Variants in TMEM132D observed in about 807,000 individuals in gnomAD.
The protein encoded by TMEM132D is transmembrane protein 132D, also known as mature OL transmembrane protein.
Under a neutral mutation model 62.3 loss-of-function variants are expected in TMEM132D, and 21 were observed. That is an observed-to-expected ratio of 0.34 (90% confidence interval 0.24 to 0.49). The LOEUF (loss-of-function observed/expected upper bound fraction) is 0.49, where lower values mean the gene tolerates loss of function less well. Among genes scored for constraint, TMEM132D ranks in the 20% least tolerant of loss-of-function variants. The pLI, the probability that TMEM132D is intolerant of heterozygous loss-of-function variation, is 0.99. For missense variants in TMEM132D, 1,346 were observed against 1,402.8 expected (o/e 0.96, Z 0.65); for synonymous variants, 621 against 575.6 (o/e 1.08, Z -1.13).
intron 1 of TMEM132D, among the ~76,000 whole-genome samples, chr12:129,811,904 C>T (rs745907993): frequency 1.1e-4 from 17 of 151,850 alleles, no homozygotes; most frequent in Admixed American, 3.9e-4. Context: ...CTTCAGTGAG[C>T]CTGGAAGCCA....
intron 3 of TMEM132D, among the ~76,000 whole-genome samples, chr12:129,413,595 T>G (rs927050892): frequency 3.9e-5 from 6 of 152,202 alleles, no homozygotes; most frequent in African/African-American, 1.4e-4. Context: ...GAGAATTAGA[T>G]ACATCCTTTT....
chr12:129,552,997 C>T (rs988714905), intron 2 of TMEM132D, among the ~76,000 whole-genome samples: 4 of 152,276 alleles, frequency 2.6e-5, no homozygotes, highest in Admixed American at 6.5e-5. Context: ...GCCCCAAGTC[C>T]GAGTCTCTGG....
At chr12:129,754,000 C>A (rs1252903910) in intron 1 of TMEM132D, among the ~76,000 whole-genome samples, 1 of 152,188 alleles carries the variant, frequency 6.6e-6, no homozygotes, top group African/African-American at 2.4e-5. Flanking sequence ...TAAACAGCAA[C>A]TTTGGCTTTT....
chr12:129,654,762 C>T (rs1441658048), intron 2 of TMEM132D, among the ~76,000 whole-genome samples: 2 of 152,084 alleles, frequency 1.3e-5, no homozygotes, highest in South Asian at 2.1e-4. Flanking sequence ...CCTTTTTACT[C>T]TCAAGAGCTA....
At chr12:129,608,215 A>C (rs1049537401) in intron 2 of TMEM132D, among the ~76,000 whole-genome samples, 3 of 152,210 alleles carry the variant, frequency 2.0e-5, no homozygotes, top group South Asian at 2.1e-4. Context: ...CTTGAAGTGC[A>C]CTGGCTTTTC....
In TMEM132D at chr12:129,327,296, C is replaced by T. The variant is rs1049705342; in HGVS notation, c.1299+10338G>A. Among the ~76,000 whole-genome samples the T allele has an allele frequency of 2.0e-5, 3 of 152,088 alleles. No individual in the cohort carries two copies. In the East Asian group the frequency reaches 5.8e-4, roughly 29 times the overall value. On this transcript the variant is annotated intron_variant, in intron 4 of 8. Transcript: ENST00000422113. ...GGTGGAGAACAACAGACAGTGGGTC[C>T]GCATGGCAAGTGGAGAGTATACCAA...
chr12:129,740,998 A>G (rs900248460), intron 1 of TMEM132D, among the ~76,000 whole-genome samples: 2 of 152,212 alleles, frequency 1.3e-5, no homozygotes, highest in Non-Finnish European at 2.9e-5. Flanking sequence ...AGAAGGCTTT[A>G]TGGAGAGCTT....
In TMEM132D at chr12:129,396,150, T is replaced by A. The variant is rs547533461; in HGVS notation, c.1116-58333A>T. Among the ~76,000 whole-genome samples, 104 of 147,988 alleles carry A rather than the reference T, an allele frequency of 7.0e-4. 1 individual carries two copies. Among genetic ancestry groups the A allele is most frequent in the African/African-American group, 2.7e-3 (103 of 37,936 alleles). On this transcript the variant is annotated intron_variant, in intron 3 of 8. Transcript: ENST00000422113. ...CAAAACCAAATTCAATAAAAAATAG[T>A]GGAATATGTTCACTATCATTATTTA...
intron 1 of TMEM132D, among the ~76,000 whole-genome samples, chr12:129,785,808 T>C (rs1427069930): frequency 6.6e-6 from 1 of 152,252 alleles, no homozygotes; most frequent in African/African-American, 2.4e-5. Context: ...ATATGGAATG[T>C]GTGTTAGCAA....
chr12:129,537,911 A>G (rs766069043), intron 2 of TMEM132D, among the ~76,000 whole-genome samples: 9 of 137,254 alleles, frequency 6.6e-5, no homozygotes, highest in Non-Finnish European at 1.1e-4. Flanking sequence ...CATTAATTAG[A>G]AAGCACAAAA....
chr12:129,596,616 G>A (rs564785899), intron 2 of TMEM132D, among the ~76,000 whole-genome samples: 2 of 152,122 alleles, frequency 1.3e-5, no homozygotes, highest in South Asian at 2.1e-4. Context: ...TAGATTACAT[G>A]TAATGCTTAA....
intron 2 of TMEM132D, among the ~76,000 whole-genome samples, chr12:129,607,448 C>T (rs1281062613): frequency 6.6e-6 from 1 of 152,186 alleles, no homozygotes; most frequent in Non-Finnish European, 1.5e-5. Context: ...CAAGGCTGAC[C>T]TCAACCTCTA....
In TMEM132D at chr12:129,193,457, G is replaced by A. The variant is rs148357669; in HGVS notation, c.1443+16063C>T. 6.0e-4 allele frequency among the ~76,000 whole-genome samples: 92 copies of A among 152,256 alleles called. No homozygotes were observed. The East Asian group carries it at 0.016, about 26-fold the overall frequency. On this transcript the variant is annotated intron_variant, in intron 5 of 8. Transcript: ENST00000422113. Reference sequence around the variant, plus strand: ...CAGAAGGTGCTATGCCTGCAATTTGGGCTGCTGCCACCAGGTGGCACCATT... The same window carrying A: ...CAGAAGGTGCTATGCCTGCAATTTGAGCTGCTGCCACCAGGTGGCACCATT...
intron 2 of TMEM132D, among the ~76,000 whole-genome samples, chr12:129,619,557 C>G (rs1048183275): frequency 3.3e-5 from 5 of 152,208 alleles, no homozygotes; most frequent in African/African-American, 9.7e-5. Context: ...CTGGCTCCCC[C>G]AGCCCCACCA....
chr12:129,708,306 A>G lies in TMEM132D; in HGVS notation c.80-7608T>C, dbSNP rs74396359. ...AGCTGAAGACCAACTTGAGACAGGA[A>G]GAGGGGAGTGATATATTCCCAAACA... On this transcript the variant is annotated intron_variant, in intron 1 of 8. Coordinates refer to ENST00000422113, the MANE Select transcript of TMEM132D (RefSeq NM_133448.3). 1.8e-3 allele frequency among the ~76,000 whole-genome samples: 280 copies of G among 152,298 alleles called. 4 individuals carry two copies. In the East Asian group the frequency reaches 0.047, roughly 26 times the overall value.
chr12:129,119,352 A>T (rs1875990724), intron 5 of TMEM132D, among the ~76,000 whole-genome samples: 1 of 152,214 alleles, frequency 6.6e-6, no homozygotes, highest in African/African-American at 2.4e-5. Flanking sequence ...TATTCATAAT[A>T]GCAAAGTTAC....
intron 4 of TMEM132D, among the ~76,000 whole-genome samples, chr12:129,230,960 A>G (rs1020107991): frequency 1.3e-5 from 2 of 152,228 alleles, no homozygotes; most frequent in Non-Finnish European, 2.9e-5. Flanking sequence ...TTCCATGATC[A>G]TCACCTTCAA....
rs1874200782 is a variant in TMEM132D at position 129,074,861 on chromosome 12, C to T, written c.2314G>A (p.Val772Ile). 1.2e-6 allele frequency: 2 copies of T among 1,614,076 alleles called. No individual in the cohort carries two copies. The highest frequency in any genetic ancestry group is 1.7e-6 in the Non-Finnish European group (2 of 1,180,022). The change falls in exon 9 of 9, where the codon GTT (valine) becomes ATT (isoleucine). Residue 772 changes from valine to isoleucine, a missense_variant. Transcript: ENST00000422113. ...GATTTCTGGCAGGATTCACTAATAA[C>T]CATTTCCACCTTGACCAGGGTGCCT... ...GQGTLVKVEM[V>I]ISESCQKSKR... is the part of the protein sequence containing the mutation.
chr12:129,180,678 G>T (rs1239913614), intron 5 of TMEM132D, among the ~76,000 whole-genome samples: 3 of 152,166 alleles, frequency 2.0e-5, no homozygotes, highest in Non-Finnish European at 4.4e-5. Context: ...GTGACATTTG[G>T]ACCCAAATGA....
Sources: allele counts gnomAD v4.1 joint callset (sites outside exome capture counted in the v4.1 genomes callset), GRCh38; gene constraint gnomAD v4.1.1; transcripts MANE v1.5; gene names NCBI Gene and HGNC (gene_info 2026-07-23, HGNC 2026-07-21).